The following PDE1A variants were observed in gnomAD, a reference collection of about 807,000 sequenced individuals.
The protein encoded by PDE1A is dual specificity calcium/calmodulin-dependent 3',5'-cyclic nucleotide phosphodiesterase 1A.
A neutral mutation model predicts 61.7 loss-of-function variants in PDE1A; 35 were observed. That is an observed-to-expected ratio of 0.57 (90% CI 0.43 to 0.75). The LOEUF (loss-of-function observed/expected upper bound fraction) is 0.75. PDE1A is among the 30% of genes least tolerant of loss of function. The pLI is 0.00. For synonymous variants in PDE1A, 232 were observed against 213.2 expected, an observed-to-expected ratio of 1.09 and a Z score of -0.77; for missense variants, 597 against 630.6, an observed-to-expected ratio of 0.95 and a Z score of 0.57.
chr2:182,418,076 A>C (rs937320013), intron 1 of PDE1A, among the ~76,000 whole-genome samples: 1 of 152,240 alleles, frequency 6.6e-6, no homozygotes, highest in Admixed American at 6.5e-5. Flanking sequence ...AATACACATT[A>C]TAGCTAGAAC....
At chr2:182,426,437 C>A in intron 1 of PDE1A, 141 bp downstream of exon 1, 1 of 595,004 alleles carries the variant, frequency 1.7e-6, no homozygotes, top group Non-Finnish European at 3.0e-6. Flanking sequence ...AAAAAGGCTC[C>A]CTCAGTATGC....
chr2:182,498,876 G>C (rs1470330285), intron 2 of PDE1A, among the ~76,000 whole-genome samples: 2 of 152,000 alleles, frequency 1.3e-5, no homozygotes, highest in African/African-American at 4.8e-5. Context: ...CCCGGAAGGC[G>C]GAGTTCGCAG....
intron 10 of PDE1A, among the ~76,000 whole-genome samples, chr2:182,195,365 G>C (rs927777850): frequency 1.3e-5 from 2 of 151,978 alleles, no homozygotes; most frequent in African/African-American, 4.8e-5. Flanking sequence ...GATGGGAAAA[G>C]GTAAGAAGGT....
At chr2:182,275,765 C>T (rs1035695491) in intron 1 of PDE1A, among the ~76,000 whole-genome samples, 1 of 152,092 alleles carries the variant, frequency 6.6e-6, no homozygotes, top group African/African-American at 2.4e-5. Context: ...AGATTTGCTT[C>T]TAACACAGCC....
At position 182,223,860 on chromosome 2, in the gene PDE1A, T is replaced by C. The variant is rs773028466; in HGVS notation, c.776+4A>G. 32 of 1,537,192 alleles carry C rather than the reference T, an allele frequency of 2.1e-5. No homozygotes were observed. In the South Asian group the frequency reaches 2.7e-4, roughly 13 times the overall value. ...AATGAAAGTTAATACTTTTTCAGAC[T>C]TACCTTGTCTGAATGTGAAAGTTGT... is the stretch of plus-strand genomic sequence containing the variant. On this transcript the variant is annotated splice_donor_region_variant and intron_variant, in intron 7 of 13. Transcript: ENST00000351439.
intron 1 of PDE1A, among the ~76,000 whole-genome samples, chr2:182,353,644 A>G (rs540022487): frequency 6.6e-6 from 1 of 152,232 alleles, no homozygotes; most frequent in East Asian, 1.9e-4. Flanking sequence ...TTTATATTTA[A>G]TTAGAATGGG....
chr2:182,215,443 T>TA lies in PDE1A; in HGVS notation c.776+8420dup, dbSNP rs1316423689. On this transcript the variant is annotated intron_variant, in intron 7 of 13. Transcript: ENST00000351439. ...AGCAGAACTGAAGGAAATAGAGACA[T>TA]AAAAAACCCTTCAAAAAATTAATGA... Among the ~76,000 whole-genome samples, 92 of 148,016 alleles carry TA rather than the reference T, an allele frequency of 6.2e-4. 1 individual carries two copies. The East Asian group carries it at 0.015, about 25-fold the overall frequency.
At chr2:182,582,460 A>G in the PDE1A span, among the ~76,000 whole-genome samples, 1 of 152,246 alleles carries the variant, frequency 6.6e-6, no homozygotes, top group Non-Finnish European at 1.5e-5. Context: ...AGTATAACTG[A>G]AATTTTTAAA....
chr2:182,450,116 T>A (rs1431971915), intron 2 of PDE1A, among the ~76,000 whole-genome samples: 1 of 152,106 alleles, frequency 6.6e-6, no homozygotes, highest in South Asian at 2.1e-4. Context: ...TGGCACTCAA[T>A]AAATGTTGGC....
intron 1 of PDE1A, among the ~76,000 whole-genome samples, chr2:182,386,717 G>T (rs997936090): frequency 6.6e-6 from 1 of 150,668 alleles, no homozygotes; most frequent in Non-Finnish European, 1.5e-5. Flanking sequence ...AGTGAGGAGC[G>T]TCTCCGCCCG....
At chr2:182,518,685 GGTGA>G (rs1299810586) in intron 2 of PDE1A, among the ~76,000 whole-genome samples, 3 of 152,194 alleles carry the variant, frequency 2.0e-5, no homozygotes, top group African/African-American at 4.8e-5. Flanking sequence ...ACTATGAAGT[GGTGA>G]GTATTACATT....
At chr2:182,307,475 C>A (rs1559320267) in intron 1 of PDE1A, among the ~76,000 whole-genome samples, 2 of 152,148 alleles carry the variant, frequency 1.3e-5, no homozygotes, top group African/African-American at 2.4e-5. Context: ...CGATCCCAGC[C>A]TCTTGATTTT....
At chr2:182,270,587 A>C (rs1692945748) in intron 1 of PDE1A, among the ~76,000 whole-genome samples, 1 of 151,134 alleles carries the variant, frequency 6.6e-6, no homozygotes, top group Non-Finnish European at 1.5e-5. Context: ...TTATTAAAAT[A>C]ATTTATAATT....
chr2:182,169,180 C>T (rs1691892208), intron 13 of PDE1A, among the ~76,000 whole-genome samples: 1 of 151,858 alleles, frequency 6.6e-6, no homozygotes, highest in Non-Finnish European at 1.5e-5. Flanking sequence ...CAATTCTAAA[C>T]TCATTGAAAT....
At chr2:182,675,357 T>C in the PDE1A span, among the ~76,000 whole-genome samples, 1 of 152,204 alleles carries the variant, frequency 6.6e-6, no homozygotes, top group African/African-American at 2.4e-5. Context: ...CAATCTGTCA[T>C]AGATGGGCAT....
At chr2:182,651,413 G>A in the PDE1A span, among the ~76,000 whole-genome samples, 2 of 152,198 alleles carry the variant, frequency 1.3e-5, no homozygotes, top group Non-Finnish European at 2.9e-5. Context: ...CTACAAAAAT[G>A]TATCTCTTTA....
At chr2:182,680,805 C>T in the PDE1A span, among the ~76,000 whole-genome samples, 1 of 152,220 alleles carries the variant, frequency 6.6e-6, no homozygotes, top group East Asian at 1.9e-4. Context: ...ATTGAGGCAG[C>T]AGCATTACAG....
the PDE1A span, among the ~76,000 whole-genome samples, chr2:182,548,950 G>T: frequency 1.3e-5 from 2 of 152,208 alleles, no homozygotes; most frequent in African/African-American, 4.8e-5. Flanking sequence ...AGGAAGCAGA[G>T]ATGTGTTTAA....
intron 1 of PDE1A, among the ~76,000 whole-genome samples, chr2:182,286,264 T>C (rs1032765470): frequency 5.9e-5 from 9 of 152,158 alleles, no homozygotes; most frequent in South Asian, 2.1e-4. Context: ...CAGCCTTTTT[T>C]ACACAGCTCA....
Sources: gnomAD v4.1 joint callset for allele counts (sites outside exome capture counted in the v4.1 genomes callset) on GRCh38, gnomAD v4.1.1 for gene constraint, MANE v1.5 for transcripts, NCBI Gene and HGNC (gene_info 2026-07-23, HGNC 2026-07-21) for gene names.